The following DLGAP2 variants were observed in gnomAD, a reference collection of about 807,000 sequenced individuals.
The protein encoded by DLGAP2 is disks large-associated protein 2.
DLGAP2 carries 26 observed loss-of-function variants against 100.3 expected under a neutral mutation model. That is an observed-to-expected ratio of 0.26 (90% CI 0.19 to 0.36). DLGAP2 has a LOEUF of 0.36. DLGAP2 is among the 10% of genes least tolerant of loss of function. DLGAP2 has a pLI of 1.00. For missense variants in DLGAP2, 1,858 were observed against 1,453.2 expected (o/e 1.28, Z -4.53); for synonymous variants, 886 against 630.1 (o/e 1.41, Z -6.08).
chr8:850,253 A>G (rs1009939660), intron 1 of DLGAP2, among the ~76,000 whole-genome samples: 1 of 152,264 alleles, frequency 6.6e-6, no homozygotes, highest in South Asian at 2.1e-4. Context: ...TTTAATTTTC[A>G]TAATGTCCAG....
intron 1 of DLGAP2, among the ~76,000 whole-genome samples, chr8:808,905 C>CTT (rs539422380): frequency 8.4e-4 from 109 of 130,386 alleles, no homozygotes; most frequent in Non-Finnish European, 1.4e-3. Flanking sequence ...CTGTTGCTGC[C>CTT]TTTTTTTTTT....
intron 8 of DLGAP2, among the ~76,000 whole-genome samples, chr8:1,667,182 C>G (rs765454370): frequency 2.6e-5 from 4 of 152,192 alleles, no homozygotes; most frequent in Non-Finnish European, 5.9e-5. Context: ...TTGACTGTAA[C>G]GGACAACCAA....
chr8:852,732 C>T (rs914896109), intron 1 of DLGAP2, among the ~76,000 whole-genome samples: 10 of 152,210 alleles, frequency 6.6e-5, no homozygotes, highest in Admixed American at 2.6e-4. Flanking sequence ...TCCACCCAAA[C>T]CCAGCAAGGC....
intron 5 of DLGAP2, among the ~76,000 whole-genome samples, chr8:1,558,657 A>G (rs1434611110): frequency 6.6e-6 from 1 of 151,618 alleles, no homozygotes; most frequent in African/African-American, 2.4e-5. Context: ...ATAAACACAC[A>G]TATGCACATA....
At chr8:1,291,174 T>G (rs1486214999) in intron 3 of DLGAP2, among the ~76,000 whole-genome samples, 2 of 152,176 alleles carry the variant, frequency 1.3e-5, no homozygotes, top group African/African-American at 2.4e-5. Context: ...CGTCTCAATA[T>G]TAATGTTGAA....
intron 3 of DLGAP2, among the ~76,000 whole-genome samples, chr8:1,288,033 A>AGT (rs1243709084): frequency 2.5e-4 from 25 of 99,294 alleles, no homozygotes; most frequent in East Asian, 1.0e-3. Flanking sequence ...GTTTCGGTTG[A>AGT]GTGTGTGTGT....
At chr8:1,131,074 T>A (rs989836558) in intron 2 of DLGAP2, among the ~76,000 whole-genome samples, 2 of 152,114 alleles carry the variant, frequency 1.3e-5, no homozygotes, top group African/African-American at 4.8e-5. Context: ...AGAAAAAACA[T>A]GTTTGTTTTT....
chr8:1,281,205 C>T (rs141270406), intron 3 of DLGAP2, among the ~76,000 whole-genome samples: 52 of 152,342 alleles, frequency 3.4e-4, no homozygotes, highest in African/African-American at 1.2e-3. Flanking sequence ...GATGTCTCAG[C>T]AGTGCTGATT....
At chr8:1,216,765 C>T (rs941277884) in intron 2 of DLGAP2, among the ~76,000 whole-genome samples, 32 of 152,244 alleles carry the variant, frequency 2.1e-4, no homozygotes, top group African/African-American at 7.7e-4. Flanking sequence ...TCTTCCCCCA[C>T]CAAAAATCTC....
intron 1 of DLGAP2, among the ~76,000 whole-genome samples, chr8:769,481 G>T (rs566295741): frequency 6.8e-4 from 104 of 152,230 alleles, no homozygotes; most frequent in African/African-American, 2.3e-3. Flanking sequence ...AAACAATAGA[G>T]AATCCCCATG....
chr8:1,663,461 G>A (rs1007587424), intron 8 of DLGAP2, among the ~76,000 whole-genome samples: 5 of 152,078 alleles, frequency 3.3e-5, no homozygotes, highest in African/African-American at 9.7e-5. Context: ...GCCGGACACC[G>A]CAGAGCACCC....
At chr8:1,197,822 A>G (rs978864970) in intron 2 of DLGAP2, among the ~76,000 whole-genome samples, 1 of 152,304 alleles carries the variant, frequency 6.6e-6, no homozygotes, top group East Asian at 1.9e-4. Context: ...GGCCTCCTGC[A>G]GCGTTCCCTC....
chr8:950,915 C>T (rs1042434925), intron 2 of DLGAP2, among the ~76,000 whole-genome samples: 16 of 152,034 alleles, frequency 1.1e-4, no homozygotes, highest in African/African-American at 3.9e-4. Flanking sequence ...TGAGCCACCG[C>T]GCTCGGCCCT....
At chr8:1,068,831 C>G (rs375177824) in intron 2 of DLGAP2, among the ~76,000 whole-genome samples, 32 of 152,176 alleles carry the variant, frequency 2.1e-4, no homozygotes, top group Non-Finnish European at 3.2e-4. Flanking sequence ...TTTCTCCAGC[C>G]CATCCTCTCC....
At chr8:1,508,620 C>G (rs1425762055) in intron 4 of DLGAP2, among the ~76,000 whole-genome samples, 1 of 146,384 alleles carries the variant, frequency 6.8e-6, no homozygotes, top group Admixed American at 6.9e-5. Context: ...GTGGGATGTG[C>G]CAGTAAGAAT....
chr8:1,556,671 G>C (rs1263019831), intron 5 of DLGAP2, among the ~76,000 whole-genome samples: 1 of 152,196 alleles, frequency 6.6e-6, no homozygotes, highest in Non-Finnish European at 1.5e-5. Context: ...TCCCTTGTCT[G>C]TCTTGGTGTT....
chr8:740,737 A>AT (rs1203353924), intron 1 of DLGAP2, among the ~76,000 whole-genome samples: 2 of 152,124 alleles, frequency 1.3e-5, no homozygotes, highest in African/African-American at 2.4e-5. Context: ...AAATGCTATA[A>AT]TTTTTTTATT....
At chr8:1,467,068 C>T (rs1055206672) in intron 3 of DLGAP2, among the ~76,000 whole-genome samples, 7 of 152,044 alleles carry the variant, frequency 4.6e-5, no homozygotes, top group South Asian at 2.1e-4. Flanking sequence ...GACGGATGCC[C>T]GGCCCCGGGA....
At chr8:1,366,639 G>C (rs1016259371) in intron 3 of DLGAP2, among the ~76,000 whole-genome samples, 1 of 152,168 alleles carries the variant, frequency 6.6e-6, no homozygotes, top group Non-Finnish European at 1.5e-5. Flanking sequence ...CAATGGCGTG[G>C]AGAGGTGGCA....
Sources: allele counts gnomAD v4.1 joint callset (sites outside exome capture counted in the v4.1 genomes callset), GRCh38; gene constraint gnomAD v4.1.1; transcripts MANE v1.5; gene names NCBI Gene and HGNC (gene_info 2026-07-23, HGNC 2026-07-21).